Variants in UNC13C observed in about 807,000 individuals in gnomAD.
The protein encoded by UNC13C is unc-13 homolog C, also known as protein unc-13 homolog C.
In UNC13C, 174 loss-of-function variants were observed where a neutral mutation model predicts 245.4. The observed-to-expected ratio is 0.71, with a 90% CI of 0.63 to 0.80. The LOEUF (loss-of-function observed/expected upper bound fraction) is 0.80, where lower values mean the gene tolerates loss of function less well. Among genes scored for constraint, UNC13C ranks in the 30% least tolerant of loss-of-function variants. The pLI, the probability that UNC13C is intolerant of heterozygous loss-of-function variation, is 0.00. For missense variants in UNC13C, 2,829 were observed against 2,602.9 expected (o/e 1.09, Z -1.89); for synonymous variants, 992 against 895.1 (o/e 1.11, Z -1.93).
At chr15:53,889,274 G>A in the UNC13C span, among the ~76,000 whole-genome samples, 1 of 152,128 alleles carries the variant, frequency 6.6e-6, no homozygotes, top group Non-Finnish European at 1.5e-5. Flanking sequence ...TGCATCCCTT[G>A]TAAGCTGTAT....
At chr15:54,448,215 AAGTGC>A (rs1447869174) in intron 19 of UNC13C, among the ~76,000 whole-genome samples, 2 of 152,178 alleles carry the variant, frequency 1.3e-5, no homozygotes, top group African/African-American at 4.8e-5. Flanking sequence ...GTTTTGGAAT[AAGTGC>A]GGTGTGGTGC....
chr15:54,186,856 T>TATATATATATATACATATATATATATATA (rs1567079918), intron 4 of UNC13C, among the ~76,000 whole-genome samples: 1 of 120,244 alleles, frequency 8.3e-6, no homozygotes, highest in African/African-American at 4.1e-5. Flanking sequence ...TATATATATA[T>TATATATATATATACATATATATATATATA]TTTGTTTTTT....
At position 54,332,108 on chromosome 15, in the gene UNC13C, T is replaced by C; in HGVS notation, c.4491T>C (p.Tyr1497=). 1 of 1,565,292 alleles carries C rather than the reference T, an allele frequency of 6.4e-7. No individual in the cohort carries two copies. Among genetic ancestry groups the C allele is most frequent in the Non-Finnish European group, 8.7e-7 (1 of 1,153,700 alleles). The part of the protein sequence containing the change: ...HNSLRIDLSK[Y]RENFPASNTE... ...CTTTGAGGATTGATCTGTCAAAGTA[T>C]AGGGTATGTACAAATTTACTTGCCT... The change falls in exon 15 of 33, where the codon TAT becomes TAC. Residue 1497 remains tyrosine (Y), a synonymous_variant. Coordinates refer to ENST00000260323, the MANE Select transcript of UNC13C (RefSeq NM_001080534.3).
intron 2 of UNC13C, among the ~76,000 whole-genome samples, chr15:54,127,979 C>A (rs1213559328): frequency 6.6e-6 from 1 of 151,632 alleles, no homozygotes; most frequent in South Asian, 2.1e-4. Flanking sequence ...GTCGAAATAT[C>A]TCTCTCCTCT....
intron 18 of UNC13C, among the ~76,000 whole-genome samples, chr15:54,394,091 G>A (rs1399540133): frequency 6.6e-6 from 1 of 151,834 alleles, no homozygotes; most frequent in Non-Finnish European, 1.5e-5. Flanking sequence ...ATAAATGACT[G>A]TATTCTTATC....
At chr15:54,031,389 A>T (rs1896352569) in intron 2 of UNC13C, among the ~76,000 whole-genome samples, 2 of 152,106 alleles carry the variant, frequency 1.3e-5, no homozygotes, top group African/African-American at 4.8e-5. Flanking sequence ...GCGCCTGGCT[A>T]ATTTTTTGTA....
chr15:54,244,302 T>A (rs1257840987), intron 7 of UNC13C, among the ~76,000 whole-genome samples: 1 of 152,130 alleles, frequency 6.6e-6, no homozygotes, highest in Non-Finnish European at 1.5e-5. Context: ...TCTTGTTTCT[T>A]ATTTCTCTAT....
At chr15:54,325,601 C>T (rs2038280335) in intron 14 of UNC13C, among the ~76,000 whole-genome samples, 1 of 151,972 alleles carries the variant, frequency 6.6e-6, no homozygotes, top group South Asian at 2.1e-4. Flanking sequence ...TGATGTTCCC[C>T]TCCCTGCATC....
At chr15:53,985,831 A>G (rs1031035468) in intron 1 of UNC13C, among the ~76,000 whole-genome samples, 1 of 152,002 alleles carries the variant, frequency 6.6e-6, no homozygotes, top group African/African-American at 2.4e-5. Context: ...TTTTTGTAGT[A>G]ACAATATTTT....
intron 2 of UNC13C, among the ~76,000 whole-genome samples, chr15:54,141,601 A>G (rs2032022403): frequency 2.0e-5 from 3 of 152,042 alleles, no homozygotes; most frequent in African/African-American, 7.2e-5. Context: ...ATTAAGATAT[A>G]TATTTTCTGG....
chr15:54,335,723 T>C (rs34045568), intron 16 of UNC13C, among the ~76,000 whole-genome samples: 38,303 of 152,124 alleles, frequency 0.25, 5,251 homozygotes, highest in Admixed American at 0.34. Flanking sequence ...TAAGGAGTAA[T>C]TCTTTGTTAT....
chr15:54,005,992 T>C (rs948647557), intron 1 of UNC13C, among the ~76,000 whole-genome samples: 1 of 152,204 alleles, frequency 6.6e-6, no homozygotes, highest in Non-Finnish European at 1.5e-5. Context: ...TGTAGTATTC[T>C]ATGTCTAAAA....
At chr15:53,883,762 C>T in the UNC13C span, among the ~76,000 whole-genome samples, 113 of 152,222 alleles carry the variant, frequency 7.4e-4, no homozygotes, top group Middle Eastern at 3.4e-3. Flanking sequence ...GAAAAATCCT[C>T]GGGCTTGATT....
At chr15:54,402,806 A>G (rs1381529357) in intron 18 of UNC13C, among the ~76,000 whole-genome samples, 2 of 152,206 alleles carry the variant, frequency 1.3e-5, no homozygotes, top group East Asian at 3.8e-4. Context: ...TGTTAACAAA[A>G]GGATCCCATA....
At chr15:54,407,818 G>A (rs2040328163) in intron 18 of UNC13C, among the ~76,000 whole-genome samples, 1 of 151,882 alleles carries the variant, frequency 6.6e-6, no homozygotes, top group Admixed American at 6.6e-5. Flanking sequence ...AATATTTTGA[G>A]GAAAAACCCA....
chr15:53,875,818 G>A, the UNC13C span, among the ~76,000 whole-genome samples: 3 of 152,158 alleles, frequency 2.0e-5, no homozygotes, highest in Non-Finnish European at 2.9e-5. Context: ...TAGGGTCTGG[G>A]CCATGCCTTG....
At chr15:53,981,851 A>G (rs552534153) in intron 1 of UNC13C, among the ~76,000 whole-genome samples, 167 of 152,276 alleles carry the variant, frequency 1.1e-3, no homozygotes, top group African/African-American at 3.8e-3. Flanking sequence ...TCGTTTCTCC[A>G]TCTCTTGTCA....
At chr15:54,247,711 G>A (rs1488542576) in intron 7 of UNC13C, among the ~76,000 whole-genome samples, 1 of 149,860 alleles carries the variant, frequency 6.7e-6, no homozygotes, top group Non-Finnish European at 1.5e-5. Context: ...ATTGGGATTT[G>A]TTTCAGTGCC....
At chr15:54,169,098 T>G (rs2033289798) in intron 4 of UNC13C, among the ~76,000 whole-genome samples, 1 of 152,196 alleles carries the variant, frequency 6.6e-6, no homozygotes, top group African/African-American at 2.4e-5. Flanking sequence ...GGAACTCAGT[T>G]ATTGAAGAAG....
Sources: allele counts gnomAD v4.1 joint callset (sites outside exome capture counted in the v4.1 genomes callset), GRCh38; gene constraint gnomAD v4.1.1; transcripts MANE v1.5; gene names NCBI Gene and HGNC (gene_info 2026-07-23, HGNC 2026-07-21).